The following GPHN variants were observed in gnomAD, a reference collection of about 807,000 sequenced individuals.
GPHN encodes gephyrin.
GPHN carries 17 observed loss-of-function variants against 95.5 expected under a neutral mutation model. The observed-to-expected ratio is 0.18, with a 90% CI of 0.12 to 0.27. The LOEUF (loss-of-function observed/expected upper bound fraction) is 0.27, where lower values mean the gene tolerates loss of function less well. Ranked by LOEUF, GPHN falls within the 10% of genes least tolerant of loss-of-function variation. GPHN has a pLI of 1.00. For missense variants in GPHN, 660 were observed against 978.1 expected, an observed-to-expected ratio of 0.67 and a Z score of 4.34; for synonymous variants, 320 against 322.5, an observed-to-expected ratio of 0.99 and a Z score of 0.08.
At chr14:67,262,489 G>A in the GPHN span, among the ~76,000 whole-genome samples, 3 of 152,190 alleles carry the variant, frequency 2.0e-5, no homozygotes, top group East Asian at 5.8e-4. Context: ...CAAATCCTGT[G>A]AAATCATTCT....
the GPHN span, among the ~76,000 whole-genome samples, chr14:67,315,328 G>A: frequency 7.4e-6 from 1 of 134,768 alleles, no homozygotes; most frequent in Admixed American, 8.3e-5. Context: ...CCAGGCTGGA[G>A]TGCAGTGGCA....
At chr14:67,418,809 G>A in the GPHN span, among the ~76,000 whole-genome samples, 1 of 152,198 alleles carries the variant, frequency 6.6e-6, no homozygotes, top group Non-Finnish European at 1.5e-5. Context: ...TCCCTGCCAT[G>A]GAGGGGTGGG....
intron 9 of GPHN, among the ~76,000 whole-genome samples, chr14:66,990,931 A>T (rs563521119): frequency 2.6e-5 from 4 of 151,952 alleles, no homozygotes; most frequent in Admixed American, 1.3e-4. Context: ...TGAGATAAGG[A>T]TTTAATTAAA....
At chr14:67,351,691 TC>T in the GPHN span, among the ~76,000 whole-genome samples, 3 of 151,924 alleles carry the variant, frequency 2.0e-5, no homozygotes, top group East Asian at 1.9e-4. Flanking sequence ...TTCTTCTTCT[TC>T]TTCTTTTTTG....
intron 10 of GPHN, among the ~76,000 whole-genome samples, chr14:67,050,302 T>C (rs1236645820): frequency 6.6e-6 from 1 of 152,252 alleles, no homozygotes; most frequent in Non-Finnish European, 1.5e-5. Flanking sequence ...ATTCAGTGGC[T>C]TAGAGAAGTA....
chr14:66,944,850 C>A (rs988324077), intron 8 of GPHN, among the ~76,000 whole-genome samples: 1 of 152,234 alleles, frequency 6.6e-6, no homozygotes, highest in Non-Finnish European at 1.5e-5. Flanking sequence ...ATTGGCCAGC[C>A]TGCCATTAGG....
chr14:67,037,264 A>G (rs1397099385), intron 10 of GPHN, among the ~76,000 whole-genome samples: 2 of 152,024 alleles, frequency 1.3e-5, no homozygotes, highest in Non-Finnish European at 2.9e-5. Context: ...CTTATCTTAT[A>G]CCATGCACAA....
chr14:66,967,691 T>C (rs1380383774), intron 9 of GPHN, among the ~76,000 whole-genome samples: 1 of 151,776 alleles, frequency 6.6e-6, no homozygotes, highest in Non-Finnish European at 1.5e-5. Context: ...AATAAACAGG[T>C]AGATAATAAC....
intron 2 of GPHN, among the ~76,000 whole-genome samples, chr14:66,695,811 T>G (rs2068066781): frequency 6.6e-6 from 1 of 152,142 alleles, no homozygotes; most frequent in Non-Finnish European, 1.5e-5. Context: ...AAGGCAAAAC[T>G]ATGAAGATAG....
At chr14:66,745,681 CACTAAG>C (rs949155831) in intron 2 of GPHN, among the ~76,000 whole-genome samples, 1 of 151,792 alleles carries the variant, frequency 6.6e-6, no homozygotes, top group Admixed American at 6.6e-5. Context: ...AGAAATAGTC[CACTAAG>C]ACTTTTATTA....
At chr14:67,473,485 C>G in the GPHN span, 4 of 1,614,212 alleles carry the variant, frequency 2.5e-6, no homozygotes, top group South Asian at 2.2e-5. This position sits in a 1 kb window ranked among gnomAD's most constrained non-coding sequence, Gnocchi z 6.5. Context: ...GGCTCAGCGT[C>G]CTTGTCGAAG....
chr14:67,109,148 A>C (rs1012304973), intron 13 of GPHN, among the ~76,000 whole-genome samples: 3 of 152,230 alleles, frequency 2.0e-5, no homozygotes, highest in Non-Finnish European at 2.9e-5. Context: ...AGTACAGTAG[A>C]AAATATGGTA....
At chr14:67,019,130 T>G (rs2073466282) in intron 9 of GPHN, among the ~76,000 whole-genome samples, 1 of 152,196 alleles carries the variant, frequency 6.6e-6, no homozygotes, top group Non-Finnish European at 1.5e-5. Context: ...TTGACAGGAA[T>G]AGCCCATTTT....
chr14:67,340,493 A>C, the GPHN span: 1 of 1,613,238 alleles, frequency 6.2e-7, no homozygotes, highest in Non-Finnish European at 8.5e-7. Context: ...TATAAGCAAG[A>C]GTACGTTCAA....
At chr14:67,209,491 A>G in the GPHN span, among the ~76,000 whole-genome samples, 1 of 152,184 alleles carries the variant, frequency 6.6e-6, no homozygotes, top group African/African-American at 2.4e-5. Context: ...AAAAAAATAA[A>G]TACACTCATA....
intron 11 of GPHN, chr14:67,058,995 G>T: frequency 2.3e-5 from 10 of 436,056 alleles, no homozygotes; most frequent in South Asian, 1.4e-4. Flanking sequence ...CCATGAAACT[G>T]CCTTTTCATT....
the GPHN span, among the ~76,000 whole-genome samples, chr14:67,415,036 A>AG: frequency 6.6e-6 from 1 of 152,186 alleles, no homozygotes; most frequent in Non-Finnish European, 1.5e-5. Context: ...CTGCAGTGAG[A>AG]GGGGGGCTGC....
chr14:67,603,986 C>A, the GPHN span, among the ~76,000 whole-genome samples: 1 of 150,006 alleles, frequency 6.7e-6, no homozygotes, highest in Non-Finnish European at 1.5e-5. Context: ...CAGCCCTGCC[C>A]TTGTTTTTTG....
At chr14:67,663,058 T>G in the GPHN span, 1 of 1,461,220 alleles carries the variant, frequency 6.8e-7, no homozygotes, top group African/African-American at 1.4e-5. Flanking sequence ...TCTGGTGTGG[T>G]GCTTGTTTTT....
Sources: gnomAD v4.1 joint callset for allele counts (sites outside exome capture counted in the v4.1 genomes callset) on GRCh38, gnomAD v4.1.1 for gene constraint, Gnocchi (gnomAD v3.1) non-coding constraint, MANE v1.5 for transcripts, NCBI Gene and HGNC (gene_info 2026-07-23, HGNC 2026-07-21) for gene names.